The following KALRN variants were observed in gnomAD, a reference collection of about 807,000 sequenced individuals.
KALRN encodes kalirin RhoGEF kinase, also known as kalirin.
Under a neutral mutation model 353.7 loss-of-function variants are expected in KALRN, and 70 were observed. That is an observed-to-expected ratio of 0.20 (90% CI 0.16 to 0.24). The LOEUF (loss-of-function observed/expected upper bound fraction) is 0.24. KALRN is among the 10% of genes least tolerant of loss of function. KALRN has a pLI of 1.00. For missense variants in KALRN, 2,791 were observed against 3,756.7 expected (o/e 0.74, Z 6.72); for synonymous variants, 1,391 against 1,434.8 (o/e 0.97, Z 0.69).
intron 1 of KALRN, among the ~76,000 whole-genome samples, chr3:124,121,093 CAAAAAAA>C (rs35883031): frequency 1.2e-4 from 9 of 75,110 alleles, no homozygotes; most frequent in East Asian, 4.7e-4. Context: ...GACTCCATCT[CAAAAAAA>C]AAAAAAAAAA....
At chr3:124,069,311 TAGGAGGAGGAGGAGG>T (rs1208255204) in intron 1 of KALRN, among the ~76,000 whole-genome samples, 103 of 21,420 alleles carry the variant, frequency 4.8e-3, no homozygotes, top group African/African-American at 0.012. Flanking sequence ...CATGGAAACC[TAGGAGGAGGAGGAGG>T]AGGAGGAGGA....
At chr3:124,543,761 A>T (rs1156669065) in intron 33 of KALRN, among the ~76,000 whole-genome samples, 1 of 152,120 alleles carries the variant, frequency 6.6e-6, no homozygotes, top group African/African-American at 2.4e-5. Context: ...ATTTATAAGG[A>T]TGTCTTCTCA....
chr3:124,437,593 G>A (rs1177435617), intron 17 of KALRN, among the ~76,000 whole-genome samples: 4 of 148,710 alleles, frequency 2.7e-5, no homozygotes, highest in African/African-American at 9.9e-5. Context: ...AGGAGCCTGA[G>A]GCAGGAGAAT....
chr3:124,343,013 G>A (rs1293339440), intron 9 of KALRN, among the ~76,000 whole-genome samples: 7 of 152,068 alleles, frequency 4.6e-5, no homozygotes, highest in Non-Finnish European at 1.0e-4. Context: ...CCAAGTCCTG[G>A]CAATTCTTTC....
In KALRN at chr3:124,461,879, T is replaced by C. The variant is rs369310604; in HGVS notation, c.3855-11T>C. The C allele has an allele frequency of 6.2e-7, 1 of 1,608,558 alleles. No homozygotes were observed. Among genetic ancestry groups the C allele is most frequent in the African/African-American group, 1.3e-5 (1 of 74,784 alleles). On this transcript the variant is annotated splice_polypyrimidine_tract_variant and intron_variant, in intron 23 of 59. Transcript: ENST00000682506. ...CTATATCCAAGTAAAAGCCCATTTG[T>C]TTCCTTCTAGATTTATTATGGCTGA...
Position 124,482,952 on chromosome 3 carries a change from G to C in KALRN, c.4284+52G>C. 3 of 1,238,272 alleles carry C rather than the reference G, an allele frequency of 2.4e-6. No homozygotes were observed. The South Asian group carries it at 3.6e-5, about 15-fold the overall frequency. The allele number at this position is 1,238,272 out of a possible 1,614,324, so 76.7% of individuals were successfully genotyped here. On this transcript the variant is annotated intron_variant, in intron 28 of 59. Coordinates refer to ENST00000682506, the MANE Select transcript of KALRN (RefSeq NM_001388419.1). ...CTCCACTGCCTACTGCCTGGGGCAA[G>C]GGAGTCCCAGCTTTGGCCCCTAAGG...
chr3:124,260,078 G>A (rs2072627831), intron 3 of KALRN, among the ~76,000 whole-genome samples: 1 of 152,142 alleles, frequency 6.6e-6, no homozygotes, highest in Non-Finnish European at 1.5e-5. Context: ...ATTCTGATTT[G>A]AAGCCTGCAT....
intron 4 of KALRN, among the ~76,000 whole-genome samples, chr3:124,266,478 A>G (rs1295263897): frequency 1.3e-5 from 2 of 152,220 alleles, no homozygotes; most frequent in African/African-American, 2.4e-5. Flanking sequence ...AGAATTTTCA[A>G]TGACAATACA....
chr3:124,164,015 T>G, intron 1 of KALRN: 1 of 980,362 alleles, frequency 1.0e-6, no homozygotes, highest in Non-Finnish European at 1.2e-6. Context: ...TTGGATTTAC[T>G]GCAGAACTCA....
At chr3:124,164,601 T>TA (rs1294932972) in intron 1 of KALRN, 3 of 152,194 alleles carry the variant, frequency 2.0e-5, no homozygotes, top group Non-Finnish European at 2.9e-5. Flanking sequence ...AATATCAAAA[T>TA]AAAACATCAG....
intron 34 of KALRN, among the ~76,000 whole-genome samples, chr3:124,571,056 G>T (rs375593801): frequency 1.3e-5 from 2 of 151,982 alleles, no homozygotes; most frequent in Non-Finnish European, 2.9e-5. Flanking sequence ...TTCTACCCAC[G>T]TCTCCTTCTA....
intron 1 of KALRN, among the ~76,000 whole-genome samples, chr3:124,053,730 G>A (rs1687133082): frequency 6.6e-6 from 1 of 152,244 alleles, no homozygotes; most frequent in African/African-American, 2.4e-5. Flanking sequence ...CTGTGTGCAT[G>A]CACATGATGT....
At chr3:124,073,031 G>A (rs922021572) in intron 1 of KALRN, among the ~76,000 whole-genome samples, 18 of 152,188 alleles carry the variant, frequency 1.2e-4, no homozygotes, top group Non-Finnish European at 2.5e-4. Context: ...ATCATGCAAC[G>A]TTCCGATGAC....
intron 1 of KALRN, among the ~76,000 whole-genome samples, chr3:124,114,402 T>C (rs2063276799): frequency 6.6e-6 from 1 of 152,188 alleles, no homozygotes; most frequent in Non-Finnish European, 1.5e-5. Context: ...AGCTGTCTGC[T>C]GTTTTCATGA....
chr3:124,638,882 A>G (rs58264949), intron 37 of KALRN, among the ~76,000 whole-genome samples: 17,318 of 152,246 alleles, frequency 0.11, 1,059 homozygotes, highest in Middle Eastern at 0.2. Flanking sequence ...ATAGTACAGT[A>G]GCATAAATAT....
In KALRN at chr3:124,720,796, A is replaced by G. The variant is rs1053628478; in HGVS notation, c.*1326A>G. On this transcript the variant is annotated 3_prime_UTR_variant, in exon 60 of 60. Coordinates refer to ENST00000682506, the MANE Select transcript of KALRN (RefSeq NM_001388419.1). ...TTTTCCCTCTGGTGGAAAAAAAATT[A>G]AACCTGGGCATTTCATGGGTTTTCT... 6.6e-6 allele frequency: 1 copy of G among 152,200 alleles called. No individual in the cohort carries two copies. Among genetic ancestry groups the G allele is most frequent in the African/African-American group, 2.4e-5 (1 of 41,434 alleles). 9.4% of individuals were successfully genotyped at this position (152,200 alleles called of 1,614,324 possible).
chr3:124,433,613 A>G (rs1295522149), intron 16 of KALRN, among the ~76,000 whole-genome samples: 2 of 150,806 alleles, frequency 1.3e-5, no homozygotes. Flanking sequence ...AAAAAAAAAA[A>G]AAAGGAAAGA....
intron 3 of KALRN, among the ~76,000 whole-genome samples, chr3:124,258,006 G>A (rs1430325442): frequency 6.6e-6 from 1 of 152,172 alleles, no homozygotes; most frequent in South Asian, 2.1e-4. Flanking sequence ...CAGGCTACCT[G>A]TTAGTTATGT....
In KALRN at chr3:124,722,708, A is replaced by G. The variant is rs1253791955; in HGVS notation, c.*3238A>G. Reference sequence around the variant, plus strand: ...TCCTGTTTTGGCGGAGAGATTTATTACTTGGTAGTAAAGAAGAGAGGAGAG... The same window carrying G: ...TCCTGTTTTGGCGGAGAGATTTATTGCTTGGTAGTAAAGAAGAGAGGAGAG... On this transcript the variant is annotated 3_prime_UTR_variant, in exon 60 of 60. Coordinates refer to ENST00000682506, the MANE Select transcript of KALRN (RefSeq NM_001388419.1). 1 of 152,190 alleles carries G rather than the reference A, an allele frequency of 6.6e-6. No individual in the cohort carries two copies. The highest frequency in any genetic ancestry group is 6.5e-5 in the Admixed American group (1 of 15,274). 9.4% of individuals were successfully genotyped at this position (152,190 alleles called of 1,614,324 possible).
Sources: allele counts gnomAD v4.1 joint callset (sites outside exome capture counted in the v4.1 genomes callset), GRCh38; gene constraint gnomAD v4.1.1; transcripts MANE v1.5; gene names NCBI Gene and HGNC (gene_info 2026-07-23, HGNC 2026-07-21).